The following MAPKAP1 variants were observed in gnomAD, a reference collection of about 807,000 sequenced individuals.
MAPKAP1 encodes the protein MAPK associated protein 1.
In MAPKAP1, 20 loss-of-function variants were observed where a neutral mutation model predicts 65.7. The observed-to-expected ratio is 0.30, with a 90% CI of 0.21 to 0.44. MAPKAP1 has a LOEUF of 0.44. Among genes scored for constraint, MAPKAP1 ranks in the 20% least tolerant of loss-of-function variants. The pLI is 1.00. For missense variants in MAPKAP1, 423 were observed against 648.0 expected (o/e 0.65, Z 3.77); for synonymous variants, 222 against 244.3 (o/e 0.91, Z 0.85).
chr9:125,604,083 G>A (rs1832379990), intron 4 of MAPKAP1, among the ~76,000 whole-genome samples: 1 of 152,158 alleles, frequency 6.6e-6, no homozygotes, highest in Non-Finnish European at 1.5e-5. Context: ...AGATGCAAAA[G>A]TACACACTCT....
intron 7 of MAPKAP1, among the ~76,000 whole-genome samples, chr9:125,515,919 T>C (rs1211247260): frequency 6.6e-6 from 1 of 152,226 alleles, no homozygotes; most frequent in African/African-American, 2.4e-5. Flanking sequence ...GATGGCACTC[T>C]TTCCTCTATC....
intron 4 of MAPKAP1, chr9:125,652,147 C>T: frequency 6.9e-6 from 9 of 1,310,428 alleles, no homozygotes; most frequent in Admixed American, 2.0e-5. Flanking sequence ...TTCTCGGTGG[C>T]TTCATGCTTT....
intron 10 of MAPKAP1, among the ~76,000 whole-genome samples, chr9:125,451,772 C>T (rs1181027062): frequency 1.3e-5 from 2 of 149,922 alleles, no homozygotes; most frequent in Non-Finnish European, 3.0e-5. Flanking sequence ...TTCTTTTGAT[C>T]ATGTCTTCTG....
At chr9:125,544,224 G>T (rs1431456679) in intron 6 of MAPKAP1, among the ~76,000 whole-genome samples, 2 of 151,872 alleles carry the variant, frequency 1.3e-5, no homozygotes, top group Non-Finnish European at 2.9e-5. Flanking sequence ...TGGCCAGGCT[G>T]GTCTTGAACT....
In MAPKAP1 at chr9:125,460,189, C is replaced by T. The variant is rs915213382; in HGVS notation, c.1345+7783G>A. Among the ~76,000 whole-genome samples, 13 of 151,862 alleles carry T rather than the reference C, an allele frequency of 8.6e-5. No homozygotes were observed. The East Asian group carries it at 1.5e-3, about 18-fold the overall frequency. ...AAATGGTAATCAAAATCTAGGAAAA[C>T]GCAAATGTATAGAAATTTTTCATTT... is the stretch of plus-strand genomic sequence containing the variant. On this transcript the variant is annotated intron_variant, in intron 10 of 11. Transcript: ENST00000265960.
chr9:125,601,101 CTTAAAA>C (rs762015550), intron 4 of MAPKAP1, among the ~76,000 whole-genome samples: 7 of 151,874 alleles, frequency 4.6e-5, no homozygotes, highest in Non-Finnish European at 8.8e-5. Flanking sequence ...AATATCAACT[CTTAAAA>C]TTAAAACTCA....
chr9:125,587,298 G>A (rs1197573445), intron 4 of MAPKAP1, among the ~76,000 whole-genome samples: 1 of 152,182 alleles, frequency 6.6e-6, no homozygotes, highest in Non-Finnish European at 1.5e-5. Flanking sequence ...AGGCGCAGTG[G>A]CTCATGCCTG....
chr9:125,455,607 T>A (rs937791533), intron 10 of MAPKAP1, among the ~76,000 whole-genome samples: 1 of 152,190 alleles, frequency 6.6e-6, no homozygotes, highest in Non-Finnish European at 1.5e-5. Context: ...TTTTTTTTTT[T>A]CCTTTGGTTG....
chr9:125,552,749 C>G (rs955723514), intron 6 of MAPKAP1, among the ~76,000 whole-genome samples: 3 of 152,128 alleles, frequency 2.0e-5, no homozygotes, highest in Admixed American at 6.5e-5. Flanking sequence ...CAGGAATCAA[C>G]AGATGAATTT....
chr9:125,638,713 T>A (rs888076590), intron 4 of MAPKAP1, among the ~76,000 whole-genome samples: 3 of 152,184 alleles, frequency 2.0e-5, no homozygotes, highest in Non-Finnish European at 4.4e-5. Context: ...CTGCACCCTT[T>A]AAGACTGCAG....
intron 1 of MAPKAP1, among the ~76,000 whole-genome samples, chr9:125,698,296 T>A (rs10986847): frequency 0.013 from 126 of 10,056 alleles, no homozygotes; most frequent in Non-Finnish European, 0.017. Flanking sequence ...TAAATATATA[T>A]ATATATATAT....
At chr9:125,517,345 G>A (rs1356554700) in intron 7 of MAPKAP1, among the ~76,000 whole-genome samples, 3 of 152,168 alleles carry the variant, frequency 2.0e-5, no homozygotes, top group South Asian at 2.1e-4. Flanking sequence ...CACAGCAGGC[G>A]TGTCACATGA....
intron 7 of MAPKAP1, among the ~76,000 whole-genome samples, chr9:125,526,131 C>T (rs1379814586): frequency 6.6e-6 from 1 of 152,164 alleles, no homozygotes. Flanking sequence ...ATGTTCTTGG[C>T]ACAGAAGGGT....
chr9:125,576,400 T>C (rs1319326203), intron 5 of MAPKAP1, among the ~76,000 whole-genome samples: 1 of 152,234 alleles, frequency 6.6e-6, no homozygotes, highest in Non-Finnish European at 1.5e-5. Context: ...CTCACTGTAT[T>C]TTCTGTGCAA....
At chr9:125,505,294 A>G (rs1398591358) in intron 8 of MAPKAP1, among the ~76,000 whole-genome samples, 1 of 152,160 alleles carries the variant, frequency 6.6e-6, no homozygotes, top group African/African-American at 2.4e-5. Flanking sequence ...ACATGGCAGC[A>G]TGTGCCTATA....
chr9:125,532,734 C>T (rs932229835), intron 7 of MAPKAP1, among the ~76,000 whole-genome samples: 5 of 152,156 alleles, frequency 3.3e-5, no homozygotes, highest in Admixed American at 6.5e-5. Context: ...TGCTGCCAGG[C>T]GTGTCCTTAG....
intron 1 of MAPKAP1, among the ~76,000 whole-genome samples, chr9:125,684,508 A>G (rs1834915961): frequency 6.6e-6 from 1 of 152,212 alleles, no homozygotes; most frequent in Admixed American, 6.5e-5. Context: ...AACTCCCTCG[A>G]AACTGTTTTG....
chr9:125,468,426 G>A (rs1027023564), intron 9 of MAPKAP1, among the ~76,000 whole-genome samples: 6 of 152,186 alleles, frequency 3.9e-5, no homozygotes, highest in South Asian at 2.1e-4. Context: ...ATTTACAGCC[G>A]TACATTATCT....
chr9:125,494,189 C>T lies in MAPKAP1; in HGVS notation c.1067-9606G>A, dbSNP rs572139364. Among the ~76,000 whole-genome samples, 30 of 152,240 alleles carry T rather than the reference C, an allele frequency of 2.0e-4. No homozygotes were observed. The South Asian group carries it at 6.0e-3, about 31-fold the overall frequency. On this transcript the variant is annotated intron_variant, in intron 8 of 11. Coordinates refer to ENST00000265960, the MANE Select transcript of MAPKAP1 (RefSeq NM_001006617.3). ...CCAGAGGCCTTTTAAGTCCCCAAAG[C>T]CCCATAAGCCCAAAACTTCTCTTCT...
Sources: allele counts gnomAD v4.1 joint callset (sites outside exome capture counted in the v4.1 genomes callset), GRCh38; gene constraint gnomAD v4.1.1; transcripts MANE v1.5; gene names NCBI Gene and HGNC (gene_info 2026-07-23, HGNC 2026-07-21).